The following COL25A1 variants were observed in gnomAD, a reference collection of about 807,000 sequenced individuals.
COL25A1 encodes collagen alpha-1(XXV) chain.
COL25A1 carries 103 observed loss-of-function variants against 128.4 expected under a neutral mutation model. That is an observed-to-expected ratio of 0.80 (90% CI 0.68 to 0.94). COL25A1 has a LOEUF of 0.94. Ranked by LOEUF, COL25A1 falls within the 40% of genes least tolerant of loss-of-function variation. COL25A1 has a pLI of 0.00. For missense variants in COL25A1, 745 were observed against 840.0 expected (o/e 0.89, Z 1.40); for synonymous variants, 279 against 277.2 (o/e 1.01, Z -0.06).
intron 3 of COL25A1, among the ~76,000 whole-genome samples, chr4:109,267,619 A>T (rs1187333782): frequency 2.0e-5 from 3 of 152,152 alleles, no homozygotes; most frequent in Non-Finnish European, 2.9e-5. Context: ...AACATCGTAC[A>T]TGTTGAATCA....
intron 3 of COL25A1, among the ~76,000 whole-genome samples, chr4:109,094,938 A>G (rs1765266178): frequency 6.6e-6 from 1 of 152,238 alleles, no homozygotes; most frequent in Admixed American, 6.5e-5. Flanking sequence ...CTAATCATGC[A>G]TTTGAATAAT....
chr4:109,254,053 C>T (rs1410230714), intron 3 of COL25A1, among the ~76,000 whole-genome samples: 3 of 150,688 alleles, frequency 2.0e-5, no homozygotes, highest in Admixed American at 6.6e-5. Flanking sequence ...CACCACTGCA[C>T]TCCAGCCTGG....
chr4:108,843,660 A>G (rs907081383), intron 30 of COL25A1, among the ~76,000 whole-genome samples: 7 of 152,216 alleles, frequency 4.6e-5, no homozygotes, highest in African/African-American at 1.2e-4. Flanking sequence ...AAGTATCATA[A>G]AAGTAAGAAG....
chr4:109,134,194 G>T (rs1224757413), intron 3 of COL25A1, among the ~76,000 whole-genome samples: 1 of 145,366 alleles, frequency 6.9e-6, no homozygotes, highest in Non-Finnish European at 1.5e-5. Context: ...ATTATAGGAG[G>T]TTTTTTTTTT....
At position 109,010,297 on chromosome 4, in the gene COL25A1, AG is replaced by A. The variant is rs1756449589; in HGVS notation, c.438+60del. Reference sequence around the variant, plus strand: ...TATATCTTTTGAAAGAATTGCAGAAAGACCTCCACACTGGGAAAATCCTAAA... The same window carrying A: ...TATATCTTTTGAAAGAATTGCAGAAAACCTCCACACTGGGAAAATCCTAAA... On this transcript the variant is annotated intron_variant, in intron 6 of 37. Coordinates refer to ENST00000399132, the MANE Select transcript of COL25A1 (RefSeq NM_198721.4). 4 of 1,260,374 alleles carry A rather than the reference AG, an allele frequency of 3.2e-6. No individual in the cohort carries two copies. In the African/African-American group the frequency reaches 7.2e-5, roughly 23 times the overall value. The allele number at this position is 1,260,374 out of a possible 1,614,324, so 78.1% of individuals were successfully genotyped here.
chr4:109,137,610 A>G (rs1769919349), intron 3 of COL25A1, among the ~76,000 whole-genome samples: 2 of 152,204 alleles, frequency 1.3e-5, no homozygotes. Flanking sequence ...TCCTCATAAA[A>G]GCAGAAGCTA....
At chr4:109,089,869 T>G (rs1764743732) in intron 3 of COL25A1, among the ~76,000 whole-genome samples, 1 of 152,124 alleles carries the variant, frequency 6.6e-6, no homozygotes, top group Non-Finnish European at 1.5e-5. Context: ...CTTCCAAAAG[T>G]GCTGGGATTA....
At position 108,890,537 on chromosome 4, in the gene COL25A1, G is replaced by T. The variant is rs1000768188; in HGVS notation, c.907-804C>A. 2.0e-5 allele frequency among the ~76,000 whole-genome samples: 3 copies of T among 152,202 alleles called. No individual in the cohort carries two copies. The East Asian group carries it at 5.8e-4, about 29-fold the overall frequency. On this transcript the variant is annotated intron_variant, in intron 16 of 37. Transcript: ENST00000399132. ...AATGGGGAAAATAATATGGAGGGTA[G>T]CTGGGAATGTTGCTTATTTCTGAAA... is the stretch of plus-strand genomic sequence containing the variant.
chr4:109,156,565 T>TACA (rs1385049190), intron 3 of COL25A1, among the ~76,000 whole-genome samples: 1 of 152,218 alleles, frequency 6.6e-6, no homozygotes, highest in East Asian at 1.9e-4. Flanking sequence ...GCCCCAAGTC[T>TACA]ACACGATGTT....
chr4:109,022,299 G>C (rs905791007), intron 5 of COL25A1: 1 of 368,638 alleles, frequency 2.7e-6, no homozygotes, highest in Admixed American at 3.2e-5. Flanking sequence ...TTGGGGGCGG[G>C]TTCCCCCGAT....
In COL25A1 at chr4:108,905,238, G is replaced by C. The variant is rs560712038; in HGVS notation, c.781-4066C>G. On this transcript the variant is annotated intron_variant, in intron 13 of 37. Transcript: ENST00000399132. ...ACTAGCCACAGGCAACTATGGAGCA[G>C]TGGAAATGTGGCTAGTCCTAATGGA... 2.6e-5 allele frequency among the ~76,000 whole-genome samples: 4 copies of C among 152,232 alleles called. No homozygotes were observed. In the South Asian group the frequency reaches 8.3e-4, roughly 32 times the overall value.
chr4:109,106,863 G>C (rs575909323), intron 3 of COL25A1, among the ~76,000 whole-genome samples: 48 of 152,278 alleles, frequency 3.2e-4, no homozygotes, highest in African/African-American at 1.2e-3. Flanking sequence ...GACTTCCCAA[G>C]CTCAAGTGAT....
At chr4:108,982,807 A>G (rs1447388778) in intron 6 of COL25A1, among the ~76,000 whole-genome samples, 1 of 152,228 alleles carries the variant, frequency 6.6e-6, no homozygotes, top group Non-Finnish European at 1.5e-5. Context: ...TTTCCACAGT[A>G]AGATCATAAC....
chr4:109,187,217 A>C (rs1196039786), intron 3 of COL25A1, among the ~76,000 whole-genome samples: 2 of 138,378 alleles, frequency 1.4e-5, no homozygotes, highest in Non-Finnish European at 3.1e-5. Flanking sequence ...ACACACACAC[A>C]CACACACACA....
At chr4:109,180,742 A>T (rs1335006186) in intron 3 of COL25A1, among the ~76,000 whole-genome samples, 1 of 152,136 alleles carries the variant, frequency 6.6e-6, no homozygotes, top group African/African-American at 2.4e-5. Context: ...TGAGGCTTGA[A>T]GGAAGAGTCC....
chr4:108,832,468 G>T (rs374816279), intron 31 of COL25A1, 35 bp from the exon 32 acceptor site: 62 of 1,416,486 alleles, frequency 4.4e-5, no homozygotes, highest in Non-Finnish European at 5.6e-5. Context: ...TATCACAAGG[G>T]CTGCAAGAAT....
rs34358532 is a variant in COL25A1, at chr4:108,889,417, ATTTTTT to A, written c.940-167_940-162del. 2.6e-3 allele frequency among the ~76,000 whole-genome samples: 335 copies of A among 130,476 alleles called. 3 individuals are homozygous for A. The highest frequency in any genetic ancestry group is 9.2e-3 in the African/African-American group (323 of 35,194). 85.6% of individuals were successfully genotyped at this position (130,476 alleles called of 152,430 possible). ...ACTCTACATCTCACTAGACATACGG[ATTTTTT>A]TTTTTTTTTTTTTTGCTGTAAATAT... is the stretch of plus-strand genomic sequence containing the variant. On this transcript the variant is annotated intron_variant, in intron 17 of 37. Coordinates refer to ENST00000399132, the MANE Select transcript of COL25A1 (RefSeq NM_198721.4).
chr4:109,109,863 C>T (rs942513867), intron 3 of COL25A1, among the ~76,000 whole-genome samples: 3 of 152,208 alleles, frequency 2.0e-5, no homozygotes, highest in African/African-American at 4.8e-5. Flanking sequence ...GGCATCCTCA[C>T]TGACACTCGT....
chr4:109,241,309 A>G (rs1483783332), intron 3 of COL25A1, among the ~76,000 whole-genome samples: 1 of 152,056 alleles, frequency 6.6e-6, no homozygotes, highest in East Asian at 1.9e-4. Context: ...ACTCCTTTTT[A>G]GCTTTGCCAA....
Sources: gnomAD v4.1 joint callset for allele counts (sites outside exome capture counted in the v4.1 genomes callset) on GRCh38, gnomAD v4.1.1 for gene constraint, MANE v1.5 for transcripts, NCBI Gene and HGNC (gene_info 2026-07-23, HGNC 2026-07-21) for gene names.